SENP5: variants seen among roughly 807,000 people sequenced by gnomAD.
SENP5 encodes SUMO specific peptidase 5, also known as sentrin-specific protease 5.
A neutral mutation model predicts 74.2 loss-of-function variants in SENP5; 21 were observed. That is an observed-to-expected ratio of 0.28 (90% confidence interval 0.20 to 0.41). The LOEUF (loss-of-function observed/expected upper bound fraction) is 0.41, where lower values mean the gene tolerates loss of function less well. Ranked by LOEUF, SENP5 falls within the 10% of genes least tolerant of loss-of-function variation. SENP5 has a pLI of 1.00. For missense variants in SENP5, 717 were observed against 889.1 expected, an observed-to-expected ratio of 0.81 and a Z score of 2.46; for synonymous variants, 311 against 312.7, an observed-to-expected ratio of 0.99 and a Z score of 0.06.
In SENP5 at chr3:196,884,664, G is replaced by GTTT. The variant is rs199659730; in HGVS notation, c.-31-480_-31-478dup. Among the ~76,000 whole-genome samples the GTTT allele has an allele frequency of 4.4e-4, 54 of 121,382 alleles. 1 individual carries two copies. The highest frequency in any genetic ancestry group is 4.3e-3 in the Middle Eastern group (1 of 232). 79.6% of individuals were successfully genotyped at this position (121,382 alleles called of 152,430 possible). The stretch of plus-strand genomic sequence containing the variant: ...AATCACACTGAGGTTACAGAAATCA[G>GTTT]TTTTTTTTTGTTTTTTTTTTTTTTG... On this transcript the variant is annotated intron_variant, in intron 1 of 9. Coordinates refer to ENST00000323460, the MANE Select transcript of SENP5 (RefSeq NM_152699.5).
At position 196,885,705 on chromosome 3, in the gene SENP5, A is replaced by G. The variant is rs970527813; in HGVS notation, c.524A>G (p.Gln175Arg). The change falls in exon 2 of 10, where the codon CAA (glutamine) becomes CGA (arginine). Residue 175 changes from glutamine (Q) to arginine (R), a missense_variant. Coordinates refer to ENST00000323460, the MANE Select transcript of SENP5 (RefSeq NM_152699.5). ...DFPMKFNGESQSPGESGTIVV... is the reference protein window; with the variant it reads ...DFPMKFNGESRSPGESGTIVV... ...CCCATGAAGTTCAATGGGGAGAGCC[A>G]AAGTCCAGGTGAGAGTGGCACGATT... 3.7e-6 allele frequency: 6 copies of G among 1,614,250 alleles called. No homozygotes were observed. Among genetic ancestry groups the G allele is most frequent in the Non-Finnish European group, 4.2e-6 (5 of 1,180,042 alleles).
At chr3:196,891,889 C>T (rs1714217609) in intron 2 of SENP5, among the ~76,000 whole-genome samples, 1 of 151,838 alleles carries the variant, frequency 6.6e-6, no homozygotes, top group Admixed American at 6.6e-5. Flanking sequence ...CTTCTGGGTT[C>T]AAGCGATTCT....
At chr3:196,896,470 A>AT (rs34232621) in intron 2 of SENP5, among the ~76,000 whole-genome samples, 99,667 of 151,764 alleles carry the variant, frequency 0.66, 33,772 homozygotes, top group Non-Finnish European at 0.74. Flanking sequence ...TGATTGATTG[A>AT]TTGAGATGAG....
chr3:196,897,177 ATTG>A lies in SENP5; in HGVS notation c.1514-2483_1514-2481del, dbSNP rs200842107. On this transcript the variant is annotated intron_variant, in intron 2 of 9. Coordinates refer to ENST00000323460, the MANE Select transcript of SENP5 (RefSeq NM_152699.5). The stretch of plus-strand genomic sequence containing the variant: ...TTGTGGGGCCTAAAGTTTAATTTTT[ATTG>A]TTGTTAGGGGTATTATTTTACAACG... 8.9e-3 allele frequency among the ~76,000 whole-genome samples: 1,360 copies of A among 152,234 alleles called. 21 individuals carry two copies. The highest frequency in any genetic ancestry group is 0.029 in the African/African-American group (1,200 of 41,538).
chr3:196,871,588 A>C (rs550421137), intron 1 of SENP5, among the ~76,000 whole-genome samples: 1 of 151,938 alleles, frequency 6.6e-6, no homozygotes, highest in Non-Finnish European at 1.5e-5. Context: ...GGCCTGGTGC[A>C]GTGGCTCATG....
chr3:196,891,802 T>C (rs1049281206), intron 2 of SENP5, among the ~76,000 whole-genome samples: 2 of 152,118 alleles, frequency 1.3e-5, no homozygotes, highest in Non-Finnish European at 2.9e-5. Context: ...GTCTCTCTCT[T>C]TTTTTTGAGA....
chr3:196,929,014 A>G (rs901063473), intron 8 of SENP5, among the ~76,000 whole-genome samples: 1 of 152,136 alleles, frequency 6.6e-6, no homozygotes, highest in Non-Finnish European at 1.5e-5. Flanking sequence ...ACATGGTGAG[A>G]CCTCATCTCT....
intron 7 of SENP5, among the ~76,000 whole-genome samples, chr3:196,926,990 C>T (rs1321224371): frequency 1.3e-5 from 2 of 152,080 alleles, no homozygotes. Flanking sequence ...CACATAACCT[C>T]TGACTTCACT....
At chr3:196,887,850 C>G (rs1714039678) in intron 2 of SENP5, among the ~76,000 whole-genome samples, 1 of 152,058 alleles carries the variant, frequency 6.6e-6, no homozygotes, top group Non-Finnish European at 1.5e-5. Context: ...CTCACTGCAA[C>G]CTCTGCTTCC....
rs746942946 is a variant in SENP5 at position 196,886,263 on chromosome 3, GTTC to G, written c.1087_1089del (p.Ser363del). ...ACAAACGCCTGGGACCAGTCATCCT[GTTC>G]TTCTCCTAAGTGGGAGTGTACAGAG... is the stretch of plus-strand genomic sequence containing the variant. On this transcript the variant is annotated inframe_deletion, in exon 2 of 10. Coordinates refer to ENST00000323460, the MANE Select transcript of SENP5 (RefSeq NM_152699.5). 2.0e-5 allele frequency: 32 copies of G among 1,614,008 alleles called. No individual in the cohort carries two copies. The highest frequency in any genetic ancestry group is 1.9e-4 in the African/African-American group (14 of 74,918).
chr3:196,892,440 CCTGACCTAAAGATTAT>C (rs1162706323), intron 2 of SENP5, among the ~76,000 whole-genome samples: 1 of 152,206 alleles, frequency 6.6e-6, no homozygotes, highest in Non-Finnish European at 1.5e-5. Flanking sequence ...AGCCACTGTG[CCTGACCTAAAGATTAT>C]TTTTAATTGA....
At chr3:196,872,294 T>C (rs1406621777) in intron 1 of SENP5, among the ~76,000 whole-genome samples, 2 of 152,228 alleles carry the variant, frequency 1.3e-5, no homozygotes, top group Admixed American at 1.3e-4. Context: ...GGCAGAAATG[T>C]AAAGGAAACG....
chr3:196,869,844 CTTTTTTT>C (rs10559181), intron 1 of SENP5, among the ~76,000 whole-genome samples: 1 of 131,436 alleles, frequency 7.6e-6, no homozygotes, highest in African/African-American at 2.8e-5. Flanking sequence ...CTAAATCAGC[CTTTTTTT>C]TTTTTTTTGG....
At chr3:196,903,706 A>T (rs750343469) in intron 6 of SENP5, 96 bp downstream of exon 6, 21 of 650,118 alleles carry the variant, frequency 3.2e-5, no homozygotes, top group Non-Finnish European at 5.0e-5. Flanking sequence ...ATACGATGTT[A>T]AGTAGAAACA....
chr3:196,902,828 G>A (rs1291724226), intron 5 of SENP5, among the ~76,000 whole-genome samples: 2 of 152,142 alleles, frequency 1.3e-5, no homozygotes, highest in Non-Finnish European at 2.9e-5. Context: ...TCATGCCAAG[G>A]CCTTTTTATG....
chr3:196,930,495 A>G (rs973681805), intron 9 of SENP5, among the ~76,000 whole-genome samples: 2 of 152,134 alleles, frequency 1.3e-5, no homozygotes, highest in African/African-American at 4.8e-5. Context: ...GGGGTCCCAA[A>G]CCCCTGGGCC....
intron 1 of SENP5, among the ~76,000 whole-genome samples, chr3:196,872,765 A>G (rs1713271667): frequency 6.6e-6 from 1 of 152,188 alleles, no homozygotes; most frequent in African/African-American, 2.4e-5. Flanking sequence ...TCAAGTGCTC[A>G]ATGGCCACAT....
intron 6 of SENP5, among the ~76,000 whole-genome samples, chr3:196,911,103 A>C (rs1309257100): frequency 2.0e-5 from 3 of 152,222 alleles, no homozygotes; most frequent in Non-Finnish European, 4.4e-5. Context: ...TAAAACACAA[A>C]ATCGTAAAAA....
At chr3:196,901,087 C>G (rs1714684880) in intron 5 of SENP5, among the ~76,000 whole-genome samples, 1 of 146,244 alleles carries the variant, frequency 6.8e-6, no homozygotes, top group African/African-American at 2.6e-5. Flanking sequence ...GCTCTGTCAT[C>G]CAGACTGGAG....
Sources: allele counts gnomAD v4.1 joint callset (sites outside exome capture counted in the v4.1 genomes callset), GRCh38; gene constraint gnomAD v4.1.1; transcripts MANE v1.5; gene names NCBI Gene and HGNC (gene_info 2026-07-23, HGNC 2026-07-21).